Variants in SMCHD1 observed in about 807,000 individuals in gnomAD.
The protein encoded by SMCHD1 is structural maintenance of chromosomes flexible hinge domain containing 1.
SMCHD1 carries 78 observed loss-of-function variants against 254.7 expected under a neutral mutation model. The observed-to-expected ratio is 0.31, with a 90% confidence interval of 0.26 to 0.37. The LOEUF is 0.37. Ranked by LOEUF, SMCHD1 falls within the 10% of genes least tolerant of loss-of-function variation. The pLI is 1.00. For synonymous variants in SMCHD1, 766 were observed against 794.9 expected (o/e 0.96, Z 0.61); for missense variants, 1,840 against 2,408.1 (o/e 0.76, Z 4.94).
intron 23 of SMCHD1, 105 bp from the exon 24 acceptor site, chr18:2,729,170 T>C: frequency 1.1e-6 from 1 of 913,786 alleles, no homozygotes; most frequent in Non-Finnish European, 1.5e-6. Flanking sequence ...TCTTATTCAT[T>C]GCCAGAAATA....
At chr18:2,683,334 T>G (rs2143912141) in intron 5 of SMCHD1, among the ~76,000 whole-genome samples, 1 of 152,344 alleles carries the variant, frequency 6.6e-6, no homozygotes, top group East Asian at 1.9e-4. Context: ...TATTTTCTGT[T>G]TCATTCAGTT....
chr18:2,772,749 G>A (rs1055598187), intron 41 of SMCHD1, among the ~76,000 whole-genome samples: 10 of 152,196 alleles, frequency 6.6e-5, no homozygotes, highest in Non-Finnish European at 8.8e-5. Flanking sequence ...TTCTGCCTCA[G>A]CCCCCCAAGT....
intron 25 of SMCHD1, 38 bp from the exon 26 acceptor site, chr18:2,738,359 G>GACA (rs2075289046): frequency 1.5e-5 from 20 of 1,369,800 alleles, no homozygotes; most frequent in African/African-American, 7.8e-5. Flanking sequence ...AACATTAGAC[G>GACA]AAGCTTTATT....
At chr18:2,749,195 A>G (rs1406418796) in intron 30 of SMCHD1, among the ~76,000 whole-genome samples, 1 of 152,260 alleles carries the variant, frequency 6.6e-6, no homozygotes. Context: ...GGACAGGTAT[A>G]AACATAGGAT....
chr18:2,781,721 A>G (rs112390263), intron 44 of SMCHD1, among the ~76,000 whole-genome samples: 135 of 152,338 alleles, frequency 8.9e-4, no homozygotes, highest in African/African-American at 3.1e-3. Context: ...AAGATACAAT[A>G]GAAATTAAAT....
At chr18:2,738,682 C>T (rs2075295603) in intron 26 of SMCHD1, 137 bp downstream of exon 26, 3 of 797,010 alleles carry the variant, frequency 3.8e-6, no homozygotes, top group Non-Finnish European at 3.6e-6. Context: ...AATAAAGTGT[C>T]ATTGGTGATA....
chr18:2,725,229 C>G lies in SMCHD1; in HGVS notation c.2700+234C>G, dbSNP rs11080983. 0.087 allele frequency among the ~76,000 whole-genome samples: 13,183 copies of G among 151,556 alleles called. 938 individuals carry two copies. Among genetic ancestry groups the G allele is most frequent in the East Asian group, 0.42 (2,143 of 5,144 alleles). The stretch of plus-strand genomic sequence containing the variant: ...AACATGAATTAAATATTTTTCACCT[C>G]TCCCCGTTATCTATACTTCAGTTTT... On this transcript the variant is annotated intron_variant, in intron 21 of 47. Transcript: ENST00000320876.
intron 1 of SMCHD1, among the ~76,000 whole-genome samples, chr18:2,656,857 C>T (rs1011237466): frequency 2.0e-5 from 3 of 152,160 alleles, no homozygotes; most frequent in Non-Finnish European, 4.4e-5. Flanking sequence ...GTAGAGCTGG[C>T]CTTCTGCCTG....
At chr18:2,752,360 C>T (rs2075591353) in intron 33 of SMCHD1, 128 bp from the exon 34 acceptor site, 3 of 679,786 alleles carry the variant, frequency 4.4e-6, no homozygotes, top group Non-Finnish European at 8.1e-6. Flanking sequence ...TGTATATATA[C>T]CTGTATGTTT....
At chr18:2,708,907 T>TATATTTATATATATATAA (rs769432583) in intron 17 of SMCHD1, among the ~76,000 whole-genome samples, 1 of 44,706 alleles carries the variant, frequency 2.2e-5, no homozygotes, top group East Asian at 1.2e-3. Flanking sequence ...TATATATATA[T>TATATTTATATATATATAA]AACATATTAA....
Position 2,762,092 on chromosome 18 carries a change from T to C in SMCHD1, c.4435-13T>C, listed in dbSNP as rs2075796322. ...ATATATTGTTAATCAGAATGTCTCT[T>C]TTGTTTTGTAAGGTTATAGTTGAAG... On this transcript the variant is annotated splice_polypyrimidine_tract_variant and intron_variant, in intron 35 of 47. Coordinates refer to ENST00000320876, the MANE Select transcript of SMCHD1 (RefSeq NM_015295.3). 6.2e-7 allele frequency: 1 copy of C among 1,611,414 alleles called. No homozygotes were observed. Among genetic ancestry groups the C allele is most frequent in the African/African-American group, 1.3e-5 (1 of 74,860 alleles).
At chr18:2,765,157 T>C (rs1186615132) in intron 37 of SMCHD1, among the ~76,000 whole-genome samples, 1 of 152,216 alleles carries the variant, frequency 6.6e-6, no homozygotes, top group Non-Finnish European at 1.5e-5. Context: ...ATTAGTGCTC[T>C]TTGGTATATA....
intron 19 of SMCHD1, among the ~76,000 whole-genome samples, chr18:2,719,940 G>T (rs1393268896): frequency 2.0e-5 from 3 of 152,182 alleles, no homozygotes; most frequent in Non-Finnish European, 4.4e-5. Context: ...CTCCCAAAGT[G>T]CTGGGATTAC....
chr18:2,707,923 A>G lies in SMCHD1; in HGVS notation c.2260+3A>G, dbSNP rs374196923. 1.4e-4 allele frequency: 207 copies of G among 1,523,680 alleles called. No homozygotes were observed. The highest frequency in any genetic ancestry group is 1.8e-4 in the Non-Finnish European group (200 of 1,117,448). The allele number at this position is 1,523,680 out of a possible 1,614,324, so 94.4% of individuals were successfully genotyped here. On this transcript the variant is annotated splice_donor_region_variant and intron_variant, in intron 17 of 47. Coordinates refer to ENST00000320876, the MANE Select transcript of SMCHD1 (RefSeq NM_015295.3). The stretch of plus-strand genomic sequence containing the variant: ...TGAGCTCAAAGTTATTTTACATTGT[A>G]AGTATACAAACTAATTTAGATCTTT...
At chr18:2,771,667 A>G in intron 40 of SMCHD1, 49 bp downstream of exon 40, 1 of 1,371,392 alleles carries the variant, frequency 7.3e-7, no homozygotes, top group East Asian at 2.6e-5. Flanking sequence ...AGTCTATTCT[A>G]CAATTTTCTC....
chr18:2,672,249 T>C (rs959064670), intron 3 of SMCHD1, among the ~76,000 whole-genome samples: 4 of 151,838 alleles, frequency 2.6e-5, no homozygotes, highest in African/African-American at 9.7e-5. Context: ...GTTTTTGAGA[T>C]AGAGTCTCGC....
In SMCHD1 at chr18:2,700,544, A is replaced by G; in HGVS notation, c.1348A>G (p.Lys450Glu). ...CATTTGCCCTTTTGATCTAGAATTA[A>G]AAGATGAAGATGATGAAGATGATTG... Reference protein sequence around the residue: ...PDDPCFPSKLKDEDDEDDCFI... With the variant: ...PDDPCFPSKLEDEDDEDDCFI... The change falls in exon 11 of 48, where the codon AAA (lysine) becomes GAA (glutamate). Residue 450 changes from lysine to glutamate, a missense_variant. Physicochemically the swap from Lys to Glu is moderately conservative, Grantham distance 56. Around this residue, in one of 9 missense-constraint regions of SMCHD1, gnomAD observed 498 missense variants for 743.5 expected, o/e 0.67. Coordinates refer to ENST00000320876, the MANE Select transcript of SMCHD1 (RefSeq NM_015295.3). The G allele has an allele frequency of 1.2e-6, 2 of 1,604,326 alleles. No homozygotes were observed. The highest frequency in any genetic ancestry group is 1.7e-6 in the Non-Finnish European group (2 of 1,176,862).
At chr18:2,743,396 TA>T (rs1177459567) in intron 28 of SMCHD1, among the ~76,000 whole-genome samples, 1 of 138,210 alleles carries the variant, frequency 7.2e-6, no homozygotes, top group East Asian at 2.5e-4. Flanking sequence ...TACAAAAATC[TA>T]AAGACAAACA....
At chr18:2,752,760 T>C (rs2075599135) in intron 34 of SMCHD1, 1 of 460,206 alleles carries the variant, frequency 2.2e-6, no homozygotes. Flanking sequence ...ATTGTAATTG[T>C]ATTTGCTTTT....
Sources: gnomAD v4.1 joint callset for allele counts (sites outside exome capture counted in the v4.1 genomes callset) on GRCh38, gnomAD v4.1.1 for gene constraint, gnomAD v4.1.1 regional missense constraint, MANE v1.5 for transcripts, NCBI Gene and HGNC (gene_info 2026-07-23, HGNC 2026-07-21) for gene names.